Variants in PTPRK observed in about 807,000 individuals in gnomAD.
The protein encoded by PTPRK is receptor-type tyrosine-protein phosphatase kappa.
PTPRK carries 75 observed loss-of-function variants against 178.0 expected under a neutral mutation model. The ratio of observed to expected loss-of-function variants is 0.42; its 90% CI spans 0.35 to 0.51. The LOEUF is 0.51. PTPRK is among the 20% of genes least tolerant of loss of function. PTPRK has a pLI of 0.02. For missense variants in PTPRK, 1,441 were observed against 1,797.8 expected (o/e 0.80, Z 3.59); for synonymous variants, 637 against 620.6 (o/e 1.03, Z -0.39).
At chr6:128,106,922 A>G (rs990626949) in intron 7 of PTPRK, among the ~76,000 whole-genome samples, 2 of 152,100 alleles carry the variant, frequency 1.3e-5, no homozygotes, top group Non-Finnish European at 2.9e-5. Context: ...GTAAAGGTAA[A>G]TAAAAAAGAA....
At chr6:128,476,899 AT>A (rs1456598971) in intron 1 of PTPRK, among the ~76,000 whole-genome samples, 1 of 151,812 alleles carries the variant, frequency 6.6e-6, no homozygotes, top group African/African-American at 2.4e-5. Flanking sequence ...AAAAAAAAAA[AT>A]CAATCTTGAG....
chr6:128,294,643 C>G (rs1008568721), intron 3 of PTPRK, among the ~76,000 whole-genome samples: 1 of 151,978 alleles, frequency 6.6e-6, no homozygotes, highest in Non-Finnish European at 1.5e-5. Flanking sequence ...TTTTGGTAGA[C>G]AGAGGGTATA....
At chr6:128,254,261 G>A (rs921645054) in intron 3 of PTPRK, among the ~76,000 whole-genome samples, 3 of 152,094 alleles carry the variant, frequency 2.0e-5, no homozygotes, top group Non-Finnish European at 4.4e-5. Context: ...GTCAAGAACA[G>A]TGATATCATT....
At chr6:128,514,021 G>A (rs1049180208) in intron 1 of PTPRK, among the ~76,000 whole-genome samples, 3 of 152,132 alleles carry the variant, frequency 2.0e-5, no homozygotes, top group Non-Finnish European at 4.4e-5. Flanking sequence ...ACGGATTAAG[G>A]GAATTTCTGT....
chr6:128,010,953 A>G (rs954275742), intron 13 of PTPRK, among the ~76,000 whole-genome samples: 30 of 151,204 alleles, frequency 2.0e-4, no homozygotes, highest in African/African-American at 6.8e-4. Flanking sequence ...AAGGCTTTCA[A>G]ATTATTTTAT....
intron 1 of PTPRK, among the ~76,000 whole-genome samples, chr6:128,418,889 A>C (rs540160807): frequency 6.6e-6 from 1 of 152,260 alleles, no homozygotes; most frequent in African/African-American, 2.4e-5. Flanking sequence ...ATCCTTGCTC[A>C]GAAATACTTC....
At chr6:128,172,624 T>G (rs910727257) in intron 7 of PTPRK, among the ~76,000 whole-genome samples, 2 of 151,500 alleles carry the variant, frequency 1.3e-5, no homozygotes, top group East Asian at 1.9e-4. Context: ...TATATATATA[T>G]AGTGTGTGTG....
At chr6:128,344,163 G>A (rs934305651) in intron 2 of PTPRK, among the ~76,000 whole-genome samples, 2 of 152,108 alleles carry the variant, frequency 1.3e-5, no homozygotes, top group African/African-American at 4.8e-5. Context: ...CACCCAAAAC[G>A]AAGCTAAACT....
chr6:128,373,463 C>G (rs1204214742), intron 2 of PTPRK, among the ~76,000 whole-genome samples: 1 of 152,122 alleles, frequency 6.6e-6, no homozygotes. Context: ...AAATACTAGT[C>G]CTAACTCAAA....
chr6:128,495,765 T>A (rs1406620266), intron 1 of PTPRK, among the ~76,000 whole-genome samples: 3 of 152,230 alleles, frequency 2.0e-5, no homozygotes, highest in Non-Finnish European at 4.4e-5. Flanking sequence ...TATAAGGTCC[T>A]GCATGCTCTG....
chr6:128,123,525 T>C (rs1193974195), intron 7 of PTPRK, among the ~76,000 whole-genome samples: 1 of 152,208 alleles, frequency 6.6e-6, no homozygotes, highest in Non-Finnish European at 1.5e-5. Flanking sequence ...AGTTCCCATA[T>C]ATCCATATAG....
intron 7 of PTPRK, among the ~76,000 whole-genome samples, chr6:128,162,182 T>C: frequency 6.6e-6 from 1 of 151,810 alleles, no homozygotes; most frequent in East Asian, 1.9e-4. Context: ...CTATAAGACT[T>C]ACATTTTACA....
intron 2 of PTPRK, among the ~76,000 whole-genome samples, chr6:128,357,592 C>G (rs148430373): frequency 2.0e-5 from 3 of 152,316 alleles, no homozygotes; most frequent in Non-Finnish European, 4.4e-5. Flanking sequence ...TCACTGTACA[C>G]GCTGTTCCCA....
chr6:128,354,229 ATGTTT>A lies in PTPRK; in HGVS notation c.224-31924_224-31920del, dbSNP rs1447826135. 7.8e-3 allele frequency among the ~76,000 whole-genome samples: 217 copies of A among 27,740 alleles called. 4 individuals are homozygous for A. The highest frequency in any genetic ancestry group is 0.024 in the African/African-American group (205 of 8,716). The allele number at this position is 27,740 out of a possible 152,430, so 18.2% of individuals were successfully genotyped here. ...TTACATGTATTTTGGTTTTTTGTTT[ATGTTT>A]TTTTTTTTTTTTTTTTTTTTTGAGA... On this transcript the variant is annotated intron_variant, in intron 2 of 29. Coordinates refer to ENST00000368226, the MANE Select transcript of PTPRK (RefSeq NM_002844.4).
chr6:128,172,634 GTATA>G (rs920719057), intron 7 of PTPRK, among the ~76,000 whole-genome samples: 8 of 149,860 alleles, frequency 5.3e-5, no homozygotes, highest in Non-Finnish European at 7.4e-5. Context: ...TAGTGTGTGT[GTATA>G]TATATAATGT....
intron 7 of PTPRK, among the ~76,000 whole-genome samples, chr6:128,180,417 T>C (rs888746220): frequency 6.6e-5 from 10 of 151,988 alleles, no homozygotes; most frequent in Non-Finnish European, 1.2e-4. Context: ...ATGTGAACAA[T>C]AGCATGGGTC....
At chr6:128,343,207 A>C (rs1361372324) in intron 2 of PTPRK, among the ~76,000 whole-genome samples, 1 of 152,126 alleles carries the variant, frequency 6.6e-6, no homozygotes, top group Non-Finnish European at 1.5e-5. Context: ...TCTATATGAA[A>C]ATAAAAAAGA....
chr6:128,201,299 G>A (rs1805905412), intron 6 of PTPRK, among the ~76,000 whole-genome samples: 1 of 152,142 alleles, frequency 6.6e-6, no homozygotes. Context: ...AAATGCAAGA[G>A]CAATAGCAGA....
chr6:128,394,556 CTGAGT>C (rs1339853484), intron 2 of PTPRK, among the ~76,000 whole-genome samples: 5 of 152,110 alleles, frequency 3.3e-5, no homozygotes, highest in Non-Finnish European at 5.9e-5. Context: ...TCTTTGATGA[CTGAGT>C]TAAGTAGGTG....
Sources: allele counts gnomAD v4.1 joint callset (sites outside exome capture counted in the v4.1 genomes callset), GRCh38; gene constraint gnomAD v4.1.1; transcripts MANE v1.5; gene names NCBI Gene and HGNC (gene_info 2026-07-23, HGNC 2026-07-21).